Variants in COL24A1 observed in about 807,000 individuals in gnomAD.
COL24A1 encodes collagen type XXIV alpha 1 chain.
In COL24A1, 224 loss-of-function variants were observed where a neutral mutation model predicts 253.9. The ratio of observed to expected loss-of-function variants is 0.88; its 90% CI spans 0.79 to 0.99. The LOEUF (loss-of-function observed/expected upper bound fraction) is 0.99, where lower values mean the gene tolerates loss of function less well. Ranked by LOEUF, COL24A1 falls within the 50% of genes least tolerant of loss-of-function variation. The pLI is 0.00. For missense variants in COL24A1, 2,131 were observed against 2,068.5 expected, an observed-to-expected ratio of 1.03 and a Z score of -0.59; for synonymous variants, 685 against 673.7, an observed-to-expected ratio of 1.02 and a Z score of -0.26.
In COL24A1 at chr1:85,828,167, A is replaced by C. The variant is rs892939825; in HGVS notation, c.3682-4429T>G. On this transcript the variant is annotated intron_variant, in intron 43 of 59. Transcript: ENST00000370571. ...AAAGAACATCTTTATTTCTGCCTTC[A>C]TTTCGTTATGTACCCAGTAGTCATT... 8.1e-4 allele frequency among the ~76,000 whole-genome samples: 123 copies of C among 152,002 alleles called. 3 individuals are homozygous for C. The highest frequency in any genetic ancestry group is 7.8e-4 in the Non-Finnish European group (53 of 67,952).
At chr1:85,817,216 A>G (rs1673128096) in intron 46 of COL24A1, among the ~76,000 whole-genome samples, 2 of 152,222 alleles carry the variant, frequency 1.3e-5, no homozygotes, top group Non-Finnish European at 2.9e-5. Flanking sequence ...AGAAAAGATC[A>G]GCTATATGCA....
chr1:85,731,853 G>T (rs928082111), intron 59 of COL24A1, among the ~76,000 whole-genome samples: 3 of 152,068 alleles, frequency 2.0e-5, no homozygotes, highest in African/African-American at 7.2e-5. Context: ...AATATAGATG[G>T]GCTTTAAAGT....
At chr1:85,867,414 G>A (rs916664105) in intron 37 of COL24A1, among the ~76,000 whole-genome samples, 7 of 152,194 alleles carry the variant, frequency 4.6e-5, no homozygotes, top group African/African-American at 1.4e-4. Flanking sequence ...GTTTTGAAGA[G>A]CTATGTTTTC....
intron 10 of COL24A1, among the ~76,000 whole-genome samples, chr1:86,057,654 T>C (rs911169417): frequency 2.0e-5 from 3 of 152,206 alleles, no homozygotes; most frequent in Non-Finnish European, 4.4e-5. Flanking sequence ...TATCCATTCA[T>C]ATATAAATAA....
chr1:85,918,856 G>T (rs1364223096), intron 24 of COL24A1, among the ~76,000 whole-genome samples: 4 of 152,160 alleles, frequency 2.6e-5, no homozygotes, highest in Non-Finnish European at 5.9e-5. Context: ...ATAGCAGATT[G>T]TTTTACTGTT....
At chr1:85,800,903 A>C (rs1227632181) in intron 47 of COL24A1, among the ~76,000 whole-genome samples, 1 of 152,206 alleles carries the variant, frequency 6.6e-6, no homozygotes, top group Non-Finnish European at 1.5e-5. Context: ...AAAACTCAAA[A>C]AGAGGGATTT....
intron 35 of COL24A1, among the ~76,000 whole-genome samples, chr1:85,873,846 G>A (rs185128762): frequency 6.7e-6 from 1 of 148,294 alleles, no homozygotes; most frequent in Admixed American, 6.7e-5. Context: ...AAAGACTAAG[G>A]CTCCGGTACA....
intron 10 of COL24A1, among the ~76,000 whole-genome samples, chr1:86,056,858 A>G (rs1700704083): frequency 7.4e-6 from 1 of 134,722 alleles, no homozygotes; most frequent in African/African-American, 3.2e-5. Context: ...TGTCTCACCA[A>G]AAAAAAAAAA....
chr1:86,037,533 C>T (rs578054241), intron 12 of COL24A1, among the ~76,000 whole-genome samples: 39 of 152,264 alleles, frequency 2.6e-4, no homozygotes, highest in Middle Eastern at 3.4e-3. Flanking sequence ...AGCCAGAGCC[C>T]TCCATTCTAC....
chr1:85,852,713 G>A (rs1042635851), intron 37 of COL24A1, among the ~76,000 whole-genome samples: 1 of 152,032 alleles, frequency 6.6e-6, no homozygotes. Flanking sequence ...TAGATGTATT[G>A]CTAGGTACTT....
In COL24A1 at chr1:86,050,194, A is replaced by G. The variant is rs375859839; in HGVS notation, c.1852-17T>C. On this transcript the variant is annotated splice_polypyrimidine_tract_variant and intron_variant, in intron 10 of 59. Coordinates refer to ENST00000370571, the MANE Select transcript of COL24A1 (RefSeq NM_152890.7). The stretch of plus-strand genomic sequence containing the variant: ...AATAAAACCCTTAAAACAAGAAAAT[A>G]GTCTGTATATTAGTTCATTTGAATA... The G allele has an allele frequency of 1.0e-4, 166 of 1,609,288 alleles. No homozygotes were observed. The highest frequency in any genetic ancestry group is 1.4e-4 in the Non-Finnish European group (160 of 1,175,842).
At chr1:86,043,110 C>T (rs1454455584) in intron 12 of COL24A1, among the ~76,000 whole-genome samples, 3 of 152,030 alleles carry the variant, frequency 2.0e-5, no homozygotes, top group Non-Finnish European at 4.4e-5. Flanking sequence ...GGCTTAAATT[C>T]AGAATCTTAA....
intron 43 of COL24A1, among the ~76,000 whole-genome samples, chr1:85,834,650 T>G (rs181967918): frequency 6.6e-6 from 1 of 152,334 alleles, no homozygotes; most frequent in Non-Finnish European, 1.5e-5. Context: ...CAACATAATT[T>G]ATTCAAAGTA....
At chr1:85,949,783 T>C (rs1293657370) in intron 24 of COL24A1, among the ~76,000 whole-genome samples, 1 of 152,152 alleles carries the variant, frequency 6.6e-6, no homozygotes, top group African/African-American at 2.4e-5. Flanking sequence ...TTACTATAAA[T>C]TCAATGATCT....
intron 14 of COL24A1, chr1:86,030,600 C>T (rs1282208645): frequency 2.6e-5 from 4 of 152,234 alleles, no homozygotes; most frequent in Non-Finnish European, 4.4e-5. Flanking sequence ...CTCAAACCCA[C>T]GTTTGCTTTG....
At chr1:85,775,592 T>A (rs1163562194) in intron 53 of COL24A1, 82 bp downstream of exon 53, 2 of 1,132,514 alleles carry the variant, frequency 1.8e-6, no homozygotes, top group East Asian at 2.4e-5. Context: ...TAATAATGGA[T>A]AACTCTAACA....
At chr1:86,048,731 C>A (rs1559118437) in intron 11 of COL24A1, among the ~76,000 whole-genome samples, 1 of 152,140 alleles carries the variant, frequency 6.6e-6, no homozygotes, top group Non-Finnish European at 1.5e-5. Context: ...ACCTCATGAT[C>A]CACCCGCCTC....
At chr1:86,112,450 G>A (rs1705708401) in intron 5 of COL24A1, 117 bp downstream of exon 5, 1 of 798,738 alleles carries the variant, frequency 1.3e-6, no homozygotes, top group South Asian at 2.1e-5. Context: ...TGCTCTGGAG[G>A]TGACAGAGAT....
At chr1:86,113,000 A>G (rs564737658) in intron 4 of COL24A1, among the ~76,000 whole-genome samples, 17 of 152,144 alleles carry the variant, frequency 1.1e-4, no homozygotes, top group Non-Finnish European at 2.2e-4. Context: ...GACATGTTCT[A>G]TTTAGCCCCA....
Sources: allele counts gnomAD v4.1 joint callset (sites outside exome capture counted in the v4.1 genomes callset), GRCh38; gene constraint gnomAD v4.1.1; transcripts MANE v1.5; gene names NCBI Gene and HGNC (gene_info 2026-07-23, HGNC 2026-07-21).